The following LDB3 variants were observed in gnomAD, a reference collection of about 807,000 sequenced individuals.
LDB3 encodes LIM domain-binding protein 3.
In LDB3, 49 loss-of-function variants were observed where a neutral mutation model predicts 69.0. The observed-to-expected ratio is 0.71, with a 90% CI of 0.56 to 0.90. The LOEUF (loss-of-function observed/expected upper bound fraction) is 0.90, where lower values mean the gene tolerates loss of function less well. LDB3 is among the 40% of genes least tolerant of loss of function. The pLI, the probability that LDB3 is intolerant of heterozygous loss-of-function variation, is 0.00. For missense variants in LDB3, 928 were observed against 974.1 expected (o/e 0.95, Z 0.63); for synonymous variants, 387 against 396.2 (o/e 0.98, Z 0.28).
At chr10:86,674,807 G>A (rs939192633) in intron 2 of LDB3, among the ~76,000 whole-genome samples, 2 of 152,142 alleles carry the variant, frequency 1.3e-5, no homozygotes, top group African/African-American at 2.4e-5. Flanking sequence ...TGGAAGCATC[G>A]TGCCTGGACT....
chr10:86,678,735 G>C (rs763972427), intron 2 of LDB3, among the ~76,000 whole-genome samples: 1 of 152,104 alleles, frequency 6.6e-6, no homozygotes, highest in Non-Finnish European at 1.5e-5. Context: ...CAAACTCCTA[G>C]GCTGGAGTGA....
intron 9 of LDB3, among the ~76,000 whole-genome samples, chr10:86,711,775 C>T (rs1303659989): frequency 6.7e-6 from 1 of 149,360 alleles, no homozygotes; most frequent in Non-Finnish European, 1.5e-5. Context: ...CGGGCGGCGG[C>T]GGCGCGGAGA....
intron 8 of LDB3, among the ~76,000 whole-genome samples, chr10:86,708,029 G>C (rs1044082791): frequency 3.9e-5 from 6 of 152,224 alleles, no homozygotes; most frequent in Admixed American, 3.9e-4. Flanking sequence ...ATAAATGCTG[G>C]AGCCCTGCAG....
chr10:86,674,251 A>G (rs1844649044), intron 2 of LDB3, among the ~76,000 whole-genome samples: 1 of 152,112 alleles, frequency 6.6e-6, no homozygotes, highest in Non-Finnish European at 1.5e-5. Context: ...TAACGACATA[A>G]TCCTCACAAC....
In LDB3 at chr10:86,672,890, G is replaced by A. The variant is rs189495920; in HGVS notation, c.93+4106G>A. 2.0e-5 allele frequency among the ~76,000 whole-genome samples: 3 copies of A among 152,388 alleles called. No individual in the cohort carries two copies. The East Asian group carries it at 5.8e-4, about 29-fold the overall frequency. On this transcript the variant is annotated intron_variant, in intron 2 of 13. Transcript: ENST00000361373. ...GCTCCGGGCCTACAGATATTGTGGGGTAGCCAGTGTCAGGACTGCAGGGCT... is the reference window on the plus strand; with the variant it reads ...GCTCCGGGCCTACAGATATTGTGGGATAGCCAGTGTCAGGACTGCAGGGCT...
At chr10:86,730,754 G>A (rs2132512647) in intron 13 of LDB3, among the ~76,000 whole-genome samples, 1 of 152,290 alleles carries the variant, frequency 6.6e-6, no homozygotes, top group Admixed American at 6.5e-5. Flanking sequence ...AGAGTGTCTG[G>A]CATCCTGCTT....
At chr10:86,711,230 G>C (rs1407173660) in intron 9 of LDB3, among the ~76,000 whole-genome samples, 1 of 152,136 alleles carries the variant, frequency 6.6e-6, no homozygotes, top group Non-Finnish European at 1.5e-5. Flanking sequence ...GGCACCTTCC[G>C]GGGCGGCCTC....
At chr10:86,669,961 G>C (rs774423029) in intron 2 of LDB3, among the ~76,000 whole-genome samples, 1 of 152,240 alleles carries the variant, frequency 6.6e-6, no homozygotes, top group Admixed American at 6.5e-5. Flanking sequence ...GGCCTGAAGG[G>C]GCTTGGCAGA....
chr10:86,673,620 A>T (rs536498770), intron 2 of LDB3, among the ~76,000 whole-genome samples: 1 of 152,262 alleles, frequency 6.6e-6, no homozygotes. Flanking sequence ...GGGAGGCCAG[A>T]TGGGAAGGCA....
chr10:86,727,350 AT>A (rs11295601), intron 13 of LDB3, among the ~76,000 whole-genome samples: 35,434 of 150,026 alleles, frequency 0.24, 4,879 homozygotes, highest in East Asian at 0.58. Flanking sequence ...CACCTCTACT[AT>A]TTTTTTTTTA....
rs74150396 is a variant in LDB3, at chr10:86,712,443, T to C, written c.1231+2393T>C. Among the ~76,000 whole-genome samples the C allele has an allele frequency of 3.5e-3, 528 of 152,268 alleles. 5 individuals carry two copies. The highest frequency in any genetic ancestry group is 0.012 in the African/African-American group (504 of 41,544). On this transcript the variant is annotated intron_variant, in intron 9 of 13. Coordinates refer to ENST00000361373, the MANE Select transcript of LDB3 (RefSeq NM_007078.3). ...GGCGTACTAAAGCCTGTTTTGCTGCTTGGGGAGTTTCTAAGCGGGCATCTG... is the reference window on the plus strand; with the variant it reads ...GGCGTACTAAAGCCTGTTTTGCTGCCTGGGGAGTTTCTAAGCGGGCATCTG...
intron 9 of LDB3, among the ~76,000 whole-genome samples, chr10:86,714,479 C>T (rs1036353248): frequency 1.3e-5 from 2 of 151,870 alleles, no homozygotes; most frequent in Non-Finnish European, 2.9e-5. Context: ...ATGTGAAGAC[C>T]GATTCAGATG....
chr10:86,685,728 G>A (rs769372108), intron 5 of LDB3: 6 of 1,613,744 alleles, frequency 3.7e-6, no homozygotes, highest in Non-Finnish European at 5.1e-6. Flanking sequence ...GCATGTGTGT[G>A]CGCTTGCGTG....
chr10:86,716,317 G>A lies in LDB3; in HGVS notation c.1232-10G>A, dbSNP rs776418612. On this transcript the variant is annotated splice_polypyrimidine_tract_variant and intron_variant, in intron 9 of 13. Coordinates refer to ENST00000361373, the MANE Select transcript of LDB3 (RefSeq NM_007078.3). ...CACACCTTTCTTTGGGTTTTTTTTGGCTTTTGCAGTGCCTGCATCTACCTA... is the reference window on the plus strand; with the variant it reads ...CACACCTTTCTTTGGGTTTTTTTTGACTTTTGCAGTGCCTGCATCTACCTA... 1.2e-5 allele frequency: 20 copies of A among 1,611,372 alleles called. 1 individual carries two copies. The highest frequency in any genetic ancestry group is 1.6e-5 in the Non-Finnish European group (19 of 1,179,794).
At chr10:86,672,147 C>T (rs573479165) in intron 2 of LDB3, among the ~76,000 whole-genome samples, 17 of 152,292 alleles carry the variant, frequency 1.1e-4, no homozygotes, top group African/African-American at 4.1e-4. Flanking sequence ...AAAATGATGC[C>T]TTCCACACCT....
At chr10:86,679,231 C>A in intron 2 of LDB3, 136 bp from the exon 3 acceptor site, 2 of 1,036,494 alleles carry the variant, frequency 1.9e-6, no homozygotes, top group South Asian at 1.3e-5. Flanking sequence ...TGGTTAGCAG[C>A]TGGTACTGGC....
At chr10:86,683,804 C>T (rs2132382438) in intron 5 of LDB3, among the ~76,000 whole-genome samples, 1 of 152,372 alleles carries the variant, frequency 6.6e-6, no homozygotes, top group African/African-American at 2.4e-5. Context: ...ACAGGGTCAG[C>T]AAGGGCTAAT....
chr10:86,684,577 A>G (rs563291240), intron 5 of LDB3, among the ~76,000 whole-genome samples: 10 of 152,330 alleles, frequency 6.6e-5, no homozygotes, highest in African/African-American at 1.7e-4. Context: ...GATAGAGGGA[A>G]TTTTATCAGT....
At chr10:86,711,181 A>T (rs569188450) in intron 9 of LDB3, among the ~76,000 whole-genome samples, 1 of 152,290 alleles carries the variant, frequency 6.6e-6, no homozygotes, top group African/African-American at 2.4e-5. Context: ...GCCGGGGCAC[A>T]AGGAGGACAT....
Sources: gnomAD v4.1 joint callset for allele counts (sites outside exome capture counted in the v4.1 genomes callset) on GRCh38, gnomAD v4.1.1 for gene constraint, MANE v1.5 for transcripts, NCBI Gene and HGNC (gene_info 2026-07-23, HGNC 2026-07-21) for gene names.